The following CD99L2 variants were observed in gnomAD, a reference collection of about 807,000 sequenced individuals.
The protein encoded by CD99L2 is CD99 molecule like 2, also known as CD99 antigen-like protein 2.
In CD99L2, 24 loss-of-function variants were observed where a neutral mutation model predicts 27.3. The observed-to-expected ratio is 0.88, with a 90% confidence interval of 0.64 to 1.24. The LOEUF is 1.24. Among genes scored for constraint, CD99L2 ranks in the 50% most tolerant of loss-of-function variants. The pLI, the probability that CD99L2 is intolerant of heterozygous loss-of-function variation, is 0.00. For missense variants in CD99L2, 255 were observed against 221.6 expected (o/e 1.15, Z -0.96); for synonymous variants, 97 against 87.9 (o/e 1.10, Z -0.58).
At chrX:150,883,145 C>T (rs2047358058) in intron 1 of CD99L2, among the ~76,000 whole-genome samples, 2 of 111,393 alleles carry the variant, frequency 1.8e-5, no homozygotes, top group Non-Finnish European at 3.8e-5. Context: ...ACCAAGATCA[C>T]GCCATTGCAC....
chrX:150,810,950 C>T (rs1328290331), intron 4 of CD99L2, among the ~76,000 whole-genome samples: 1 of 111,661 alleles, frequency 9.0e-6, no homozygotes, highest in Non-Finnish European at 1.9e-5. Flanking sequence ...GCCTGTAATC[C>T]CAGCACTTTG....
chrX:150,834,671 G>C (rs1159236240), intron 1 of CD99L2, among the ~76,000 whole-genome samples: 2 of 111,557 alleles, frequency 1.8e-5, no homozygotes, highest in African/African-American at 6.5e-5. Flanking sequence ...TGGTATGGAG[G>C]TTCCTCAAAA....
chrX:150,825,380 T>C, intron 2 of CD99L2, among the ~76,000 whole-genome samples: 1 of 112,474 alleles, frequency 8.9e-6, no homozygotes, highest in South Asian at 3.7e-4. Flanking sequence ...ACCTATGCGA[T>C]GCCAGTACCA....
intron 1 of CD99L2, among the ~76,000 whole-genome samples, chrX:150,838,898 T>TAAAAA (rs1161488139): frequency 4.2e-5 from 1 of 23,570 alleles, no homozygotes; most frequent in Non-Finnish European, 7.3e-5. Context: ...ATCATATCAG[T>TAAAAA]AAAAAAAAAA....
intron 1 of CD99L2, among the ~76,000 whole-genome samples, chrX:150,898,298 G>A (rs978518804): frequency 4.5e-5 from 5 of 112,075 alleles, no homozygotes; most frequent in African/African-American, 1.3e-4. Context: ...CCAGCGTCAG[G>A]AGGGGACCCA....
chrX:150,896,417 T>C (rs909373160), intron 1 of CD99L2, among the ~76,000 whole-genome samples: 7 of 112,108 alleles, frequency 6.2e-5, no homozygotes, highest in Non-Finnish European at 1.1e-4. Context: ...AATTAATTAA[T>C]TAAAAATAAT....
At chrX:150,863,469 C>T (rs782033276) in intron 1 of CD99L2, among the ~76,000 whole-genome samples, 3 of 112,583 alleles carry the variant, frequency 2.7e-5, no homozygotes, top group South Asian at 7.4e-4. Context: ...AATTCATTTG[C>T]CATCTGTTCC....
At chrX:150,824,520 G>A (rs2046326601) in intron 2 of CD99L2, among the ~76,000 whole-genome samples, 1 of 92,894 alleles carries the variant, frequency 1.1e-5, no homozygotes, top group Non-Finnish European at 2.1e-5. Context: ...AAGGAAGGAA[G>A]AAGAAAGAAG....
intron 4 of CD99L2, among the ~76,000 whole-genome samples, chrX:150,810,698 G>A (rs1179067227): frequency 8.9e-6 from 1 of 111,768 alleles, no homozygotes; most frequent in African/African-American, 3.2e-5. Context: ...AACAAAATTG[G>A]CAAACCTTTA....
intron 1 of CD99L2, among the ~76,000 whole-genome samples, chrX:150,892,605 CAAAAAAAAAAA>C (rs782464097): frequency 6.6e-5 from 2 of 30,196 alleles, no homozygotes; most frequent in African/African-American, 2.3e-4. Flanking sequence ...GACTCTGTCT[CAAAAAAAAAAA>C]AAAAAAAAAA....
At chrX:150,847,737 G>A (rs928775304) in intron 1 of CD99L2, among the ~76,000 whole-genome samples, 1 of 110,423 alleles carries the variant, frequency 9.1e-6, no homozygotes, top group Admixed American at 9.7e-5. Context: ...TCACTGAATG[G>A]CACAGCCACC....
intron 7 of CD99L2, among the ~76,000 whole-genome samples, chrX:150,789,978 T>A (rs969834723): frequency 4.5e-5 from 5 of 111,890 alleles, no homozygotes; most frequent in African/African-American, 6.5e-5. Context: ...ATAAACAAAG[T>A]GGTACATCCA....
intron 7 of CD99L2, among the ~76,000 whole-genome samples, chrX:150,786,229 A>T (rs1316888910): frequency 5.4e-5 from 6 of 110,355 alleles, no homozygotes; most frequent in African/African-American, 2.0e-4. Context: ...TTTTTTTTTA[A>T]AAAATTTTAG....
chrX:150,809,501 A>T (rs187983019), intron 4 of CD99L2, among the ~76,000 whole-genome samples: 2 of 112,662 alleles, frequency 1.8e-5, no homozygotes, highest in East Asian at 5.6e-4. Context: ...TAATTTTATT[A>T]GAGCTCAACC....
Position 150,791,116 on chromosome X carries a change from T to A in CD99L2, c.496+2575A>T, listed in dbSNP as rs1557419699. Among the ~76,000 whole-genome samples, 3 of 112,073 alleles carry A rather than the reference T, an allele frequency of 2.7e-5. No homozygotes were observed. The East Asian group carries it at 8.4e-4, about 31-fold the overall frequency. On this transcript the variant is annotated intron_variant, in intron 7 of 10. Coordinates refer to ENST00000370377, the MANE Select transcript of CD99L2 (RefSeq NM_031462.4). ...CCTCACTGGATACTGTATCTATCCA[T>A]GACTTGGTCTTGGACTTCCCAGCCT...
chrX:150,885,863 A>G (rs1043146919), intron 1 of CD99L2, among the ~76,000 whole-genome samples: 3 of 112,428 alleles, frequency 2.7e-5, no homozygotes, highest in Non-Finnish European at 1.9e-5. Context: ...TGGTTCGCAG[A>G]AAATCATTAA....
At chrX:150,821,443 G>A (rs2046240981) in intron 2 of CD99L2, among the ~76,000 whole-genome samples, 1 of 111,960 alleles carries the variant, frequency 8.9e-6, no homozygotes, top group African/African-American at 3.2e-5. Context: ...ATGGTGCTCA[G>A]ACAGCTGGAT....
intron 7 of CD99L2, among the ~76,000 whole-genome samples, chrX:150,791,633 T>A (rs1178966359): frequency 2.7e-5 from 3 of 110,170 alleles, no homozygotes; most frequent in Non-Finnish European, 3.8e-5. Context: ...CCATGAGGAG[T>A]TGAAACATTG....
chrX:150,844,699 T>C (rs1177335624), intron 1 of CD99L2, among the ~76,000 whole-genome samples: 2 of 112,145 alleles, frequency 1.8e-5, no homozygotes, highest in African/African-American at 6.5e-5. Context: ...GATTTAGCTA[T>C]TGCCACCTGA....
Sources: allele counts gnomAD v4.1 joint callset (sites outside exome capture counted in the v4.1 genomes callset), GRCh38; gene constraint gnomAD v4.1.1; transcripts MANE v1.5; gene names NCBI Gene and HGNC (gene_info 2026-07-23, HGNC 2026-07-21).